Variants in SOX6 observed in about 807,000 individuals in gnomAD.
SOX6 encodes SRY-box transcription factor 6.
A neutral mutation model predicts 97.8 loss-of-function variants in SOX6; 11 were observed. The observed-to-expected ratio is 0.11, with a 90% CI of 0.07 to 0.19. The LOEUF is 0.19. Ranked by LOEUF, SOX6 falls within the 10% of genes least tolerant of loss-of-function variation. The pLI, the probability that SOX6 is intolerant of heterozygous loss-of-function variation, is 1.00. For missense variants in SOX6, 810 were observed against 1,039.5 expected (o/e 0.78, Z 3.04); for synonymous variants, 360 against 371.4 (o/e 0.97, Z 0.35).
At chr11:16,417,240 G>A (rs935317119) in intron 1 of SOX6, among the ~76,000 whole-genome samples, 1 of 152,126 alleles carries the variant, frequency 6.6e-6, no homozygotes, top group Non-Finnish European at 1.5e-5. Context: ...CATCCAGACT[G>A]TAACTGCATT....
intron 4 of SOX6, among the ~76,000 whole-genome samples, chr11:16,515,906 T>C (rs1219731684): frequency 2.1e-5 from 3 of 143,410 alleles, no homozygotes; most frequent in East Asian, 2.1e-4. Flanking sequence ...CATTGATCTA[T>C]ATCTCTGTTT....
intron 3 of SOX6, chr11:16,311,920 T>C (rs1054250037): frequency 1.2e-4 from 18 of 152,242 alleles, no homozygotes; most frequent in African/African-American, 4.1e-4. Context: ...TTTAGAGATG[T>C]GAACAATGAT....
chr11:16,601,008 GAATACAT>G (rs144425268), intron 4 of SOX6, among the ~76,000 whole-genome samples: 382 of 152,096 alleles, frequency 2.5e-3, no homozygotes, highest in African/African-American at 8.8e-3. Context: ...CAGTCAGGAT[GAATACAT>G]AAACTGTTCT....
chr11:16,389,966 T>A (rs967538673), intron 1 of SOX6, among the ~76,000 whole-genome samples: 2 of 32,408 alleles, frequency 6.2e-5, no homozygotes, highest in East Asian at 3.5e-3. Context: ...CAAGACTCCG[T>A]CTTAAAAAAA....
intron 1 of SOX6, among the ~76,000 whole-genome samples, chr11:16,414,414 TTTGG>T (rs1858884512): frequency 1.3e-5 from 2 of 152,048 alleles, no homozygotes; most frequent in Admixed American, 6.5e-5. Flanking sequence ...GCAATGCAAA[TTTGG>T]TAAATTATGA....
intron 4 of SOX6, among the ~76,000 whole-genome samples, chr11:16,589,507 A>G (rs1009872438): frequency 2.0e-5 from 3 of 152,192 alleles, no homozygotes; most frequent in African/African-American, 7.2e-5. Context: ...CAAAAAAACT[A>G]TAGCTTAAGG....
At chr11:16,286,800 G>A (rs955271002) in intron 3 of SOX6, among the ~76,000 whole-genome samples, 4 of 151,830 alleles carry the variant, frequency 2.6e-5, no homozygotes, top group African/African-American at 9.7e-5. Flanking sequence ...AGAAATTTGG[G>A]TTTATTATTT....
At chr11:16,061,775 T>C (rs1181087747) in intron 9 of SOX6, among the ~76,000 whole-genome samples, 1 of 151,478 alleles carries the variant, frequency 6.6e-6, no homozygotes, top group African/African-American at 2.4e-5. Flanking sequence ...ACAAAATTGA[T>C]AAGAACATGT....
chr11:16,342,891 A>T (rs1469033869), intron 1 of SOX6, among the ~76,000 whole-genome samples: 2 of 151,936 alleles, frequency 1.3e-5, no homozygotes, highest in East Asian at 3.9e-4. Context: ...TCTACAAGTA[A>T]CAAAAATTGT....
At chr11:16,523,047 C>T (rs1429975302) in intron 4 of SOX6, among the ~76,000 whole-genome samples, 1 of 152,152 alleles carries the variant, frequency 6.6e-6, no homozygotes, top group Non-Finnish European at 1.5e-5. Flanking sequence ...CTTTAACACC[C>T]CACTGTCAAC....
At chr11:16,467,159 G>A (rs1860055721) in intron 1 of SOX6, among the ~76,000 whole-genome samples, 1 of 152,112 alleles carries the variant, frequency 6.6e-6, no homozygotes, top group South Asian at 2.1e-4. Context: ...TAACTTTGTG[G>A]AGAAAAAGGA....
intron 4 of SOX6, among the ~76,000 whole-genome samples, chr11:16,507,435 TA>T (rs1195343929): frequency 6.6e-6 from 1 of 151,838 alleles, no homozygotes; most frequent in African/African-American, 2.4e-5. Context: ...TTTATGAAAC[TA>T]AAAAAAGGGC....
intron 3 of SOX6, among the ~76,000 whole-genome samples, chr11:16,672,477 G>A (rs1221056533): frequency 1.3e-5 from 2 of 152,206 alleles, no homozygotes; most frequent in African/African-American, 4.8e-5. Flanking sequence ...TGTGGCTGGG[G>A]AGGCCTCACA....
chr11:16,485,328 GTTATCCCACCAC>G (rs1860410721), intron 4 of SOX6, among the ~76,000 whole-genome samples: 1 of 152,208 alleles, frequency 6.6e-6, no homozygotes, highest in South Asian at 2.1e-4. Context: ...ATTCACACCT[GTTATCCCACCAC>G]TTTGGGATGC....
intron 1 of SOX6, among the ~76,000 whole-genome samples, chr11:16,411,322 T>A (rs899964523): frequency 6.6e-6 from 1 of 152,142 alleles, no homozygotes; most frequent in African/African-American, 2.4e-5. Context: ...CTTACTCTCA[T>A]AAACTAGTTA....
At chr11:16,369,410 T>C (rs1256863070) in intron 1 of SOX6, among the ~76,000 whole-genome samples, 2 of 152,294 alleles carry the variant, frequency 1.3e-5, no homozygotes, top group East Asian at 3.9e-4. Flanking sequence ...ATAATATACT[T>C]ACTTGTTATG....
chr11:16,684,317 T>G (rs1464546303), intron 3 of SOX6, among the ~76,000 whole-genome samples: 2 of 152,116 alleles, frequency 1.3e-5, no homozygotes, highest in African/African-American at 4.8e-5. Flanking sequence ...AATAGCAAAG[T>G]ATTGGAACCA....
In SOX6 at chr11:16,258,533, T is replaced by A. The variant is rs535894015; in HGVS notation, c.446-23862A>T. Among the ~76,000 whole-genome samples the A allele has an allele frequency of 8.5e-5, 13 of 152,096 alleles. No individual in the cohort carries two copies. The South Asian group carries it at 2.7e-3, about 31-fold the overall frequency. On this transcript the variant is annotated intron_variant, in intron 3 of 15. Coordinates refer to ENST00000683767, the MANE Select transcript of SOX6 (RefSeq NM_001367873.1). ...TAAAACTATGAAGATATTAAAAAGA[T>A]TAATGGTTGCCAGGGATTGGGGGAG...
intron 9 of SOX6, among the ~76,000 whole-genome samples, chr11:16,058,930 AT>A (rs909536330): frequency 6.6e-6 from 1 of 152,012 alleles, no homozygotes; most frequent in Non-Finnish European, 1.5e-5. Context: ...TCTTATGTCT[AT>A]TTTCAACCAG....
Sources: allele counts gnomAD v4.1 joint callset (sites outside exome capture counted in the v4.1 genomes callset), GRCh38; gene constraint gnomAD v4.1.1; transcripts MANE v1.5; gene names NCBI Gene and HGNC (gene_info 2026-07-23, HGNC 2026-07-21).